The following ATG16L2 variants were observed in gnomAD, a reference collection of about 807,000 sequenced individuals.
ATG16L2 encodes protein Atg16l2.
In ATG16L2, 77 loss-of-function variants were observed where a neutral mutation model predicts 84.7. The observed-to-expected ratio is 0.91, with a 90% CI of 0.76 to 1.10. The LOEUF (loss-of-function observed/expected upper bound fraction) is 1.10. Ranked by LOEUF, ATG16L2 falls within the 50% of genes least tolerant of loss-of-function variation. ATG16L2 has a pLI of 0.00. For synonymous variants in ATG16L2, 361 were observed against 342.8 expected (o/e 1.05, Z -0.59); for missense variants, 782 against 817.6 (o/e 0.96, Z 0.53).
chr11:72,840,868 GA>G, intron 5 of ATG16L2: 1 of 1,583,456 alleles, frequency 6.3e-7, no homozygotes, highest in Non-Finnish European at 8.7e-7. Flanking sequence ...TGCAAGATCA[GA>G]GACTTACAGG....
chr11:72,825,979 G>C (rs538444678), intron 10 of ATG16L2, among the ~76,000 whole-genome samples, 194 bp from the exon 11 acceptor site: 43 of 152,206 alleles, frequency 2.8e-4, no homozygotes, highest in African/African-American at 9.4e-4. Flanking sequence ...GCTGTCCCTG[G>C]GACCCAGTGC....
chr11:72,838,582 G>T (rs1450723630), intron 5 of ATG16L2: 1 of 585,532 alleles, frequency 1.7e-6, no homozygotes, highest in Non-Finnish European at 3.0e-6. Context: ...TATGGTAGGA[G>T]AAATGACATA....
intron 5 of ATG16L2, chr11:72,838,730 A>T: frequency 7.0e-7 from 1 of 1,426,784 alleles, no homozygotes; most frequent in Non-Finnish European, 9.7e-7. Context: ...CTAAAAAACA[A>T]GACTGGCCAA....
chr11:72,814,588 G>A (rs1291748449), intron 1 of ATG16L2, 25 bp downstream of exon 1: 1 of 1,531,732 alleles, frequency 6.5e-7, no homozygotes, highest in Non-Finnish European at 8.9e-7. Context: ...GTGCTGAGAG[G>A]ATGGCGGCTG....
At chr11:72,842,015 G>A (rs756276829) in intron 5 of ATG16L2, among the ~76,000 whole-genome samples, 2 of 152,186 alleles carry the variant, frequency 1.3e-5, no homozygotes, top group African/African-American at 2.4e-5. Context: ...CAATCACCAC[G>A]CAAACAAGAT....
rs1860522107 is a variant in ATG16L2 at position 72,828,937 on chromosome 11, G to A, written c.1725G>A (p.Trp575Ter). The change falls in exon 17 of 18, where the codon TGG becomes TGA. Residue 575 changes from tryptophan (W) to a stop codon, truncating the protein, a stop_gained. Coordinates refer to ENST00000321297, the MANE Select transcript of ATG16L2 (RefSeq NM_033388.2). LOFTEE classifies it high-confidence loss of function. ...AGSCDGALYI[W>*]DVDTGKLESR... Reference sequence around the variant, plus strand: ...CCTGTGATGGGGCCCTTTACATCTGGGATGTGGACACCGGGAAACTGGAGA... The same window carrying A: ...CCTGTGATGGGGCCCTTTACATCTGAGATGTGGACACCGGGAAACTGGAGA... 4.3e-6 allele frequency: 7 copies of A among 1,614,124 alleles called. No homozygotes were observed. The East Asian group carries it at 1.6e-4, about 36-fold the overall frequency.
intron 3 of ATG16L2, 113 bp from the exon 4 acceptor site, chr11:72,821,555 T>G: frequency 6.7e-7 from 1 of 1,483,228 alleles, no homozygotes; most frequent in Non-Finnish European, 8.9e-7. Context: ...CAGCTTGCTT[T>G]TCAGGAAGGG....
chr11:72,841,340 C>CAAAAAAAAAA (rs59748827), intron 5 of ATG16L2: 22 of 373,854 alleles, frequency 5.9e-5, no homozygotes, highest in East Asian at 2.8e-4. Flanking sequence ...ACTCTGTCTC[C>CAAAAAAAAAA]AAAAAAAAAA....
At chr11:72,831,082 C>T (rs1860596119), downstream of ATG16L2, among the ~76,000 whole-genome samples, 2 of 152,250 alleles carry the variant, frequency 1.3e-5, no homozygotes, top group South Asian at 2.1e-4. Context: ...TCCCTGAGCT[C>T]CCCTTTTGTA....
Position 72,824,078 on chromosome 11 carries a change from C to T in ATG16L2, c.843C>T (p.Ser281=), listed in dbSNP as rs372293223. 1 of 1,614,216 alleles carries T rather than the reference C, an allele frequency of 6.2e-7. No homozygotes were observed. Among genetic ancestry groups the T allele is most frequent in the South Asian group, 1.1e-5 (1 of 91,088 alleles). Residue 281 remains serine, a synonymous_variant, in exon 8 of 18, where the codon TCC becomes TCT. Coordinates refer to ENST00000321297, the MANE Select transcript of ATG16L2 (RefSeq NM_033388.2). ...KRPFRSASAT[S]LTLSHCVDVV... is the part of the protein sequence containing the mutation. ...GTCTCAGGTCTGCCTCAGCCACCTCCCTGACGCTGTCCCACTGTGTGGATG... is the reference window on the plus strand; with the variant it reads ...GTCTCAGGTCTGCCTCAGCCACCTCTCTGACGCTGTCCCACTGTGTGGATG...
chr11:72,839,698 A>G (rs1860849418), intron 5 of ATG16L2, among the ~76,000 whole-genome samples: 1 of 152,178 alleles, frequency 6.6e-6, no homozygotes, highest in Non-Finnish European at 1.5e-5. Flanking sequence ...TCTGGAAGGG[A>G]ACATAACTCA....
intron 7 of ATG16L2, chr11:72,823,324 C>T (rs578204863): frequency 1.9e-5 from 6 of 317,794 alleles, no homozygotes; most frequent in East Asian, 8.5e-5. Flanking sequence ...CATGTGCATC[C>T]GCAGGGACAT....
At chr11:72,833,675 C>A (rs1281775481), downstream of ATG16L2, among the ~76,000 whole-genome samples, 1 of 152,054 alleles carries the variant, frequency 6.6e-6, no homozygotes, top group African/African-American at 2.4e-5. Flanking sequence ...AATCCCAGCA[C>A]TTTTGGAGGC....
rs373737720 is a variant in ATG16L2, at chr11:72,842,634, A to G, written c.*39A>G. The G allele has an allele frequency of 3.7e-6, 6 of 1,613,846 alleles. No homozygotes were observed. In the African/African-American group the frequency reaches 8.0e-5, roughly 22 times the overall value. ...CCTCTCAGGTACCTGAATCTCTCTC[A>G]TCCATGGAGTGTCACCATTTTCTGA... On this transcript the variant is annotated 3_prime_UTR_variant, in exon 6 of 6. Transcript: ENST00000534905.
chr11:72,838,786 C>T, intron 5 of ATG16L2: 2 of 1,595,380 alleles, frequency 1.3e-6, no homozygotes, highest in Non-Finnish European at 1.7e-6. Context: ...TGGGCAAGCC[C>T]ATCATCACAC....
chr11:72,836,854 T>G (rs1381172794), intron 5 of ATG16L2: 3 of 152,648 alleles, frequency 2.0e-5, no homozygotes, highest in Non-Finnish European at 4.4e-5. Flanking sequence ...AGCCCTGACC[T>G]GTGCACTGTG....
chr11:72,826,784 G>A lies in ATG16L2; in HGVS notation c.1327G>A (p.Asp443Asn), dbSNP rs769922001. The change falls in exon 13 of 18, where the codon GAC becomes AAC. Residue 443 changes from aspartate to asparagine, a missense_variant. Asp to Asn is a conservative substitution (Grantham distance 23). Coordinates refer to ENST00000321297, the MANE Select transcript of ATG16L2 (RefSeq NM_033388.2). ...TRHQAVTGSR[D>N]RTVKEWDLGR... ...GCACCAGGCAGTGACTGGGAGCCGC[G>A]ACCGGACAGTGAAGGAGTGGGACCT... 1.4e-5 allele frequency: 22 copies of A among 1,613,896 alleles called. No individual in the cohort carries two copies. Among genetic ancestry groups the A allele is most frequent in the Non-Finnish European group, 1.6e-5 (19 of 1,180,006 alleles).
At chr11:72,826,305 TGGG>T (rs911529064) in intron 11 of ATG16L2, 62 bp downstream of exon 11, 5 of 1,558,668 alleles carry the variant, frequency 3.2e-6, no homozygotes, top group Admixed American at 1.8e-5. Context: ...ACTGGGCAGG[TGGG>T]GGCTGTGGGA....
At chr11:72,815,486 G>A (rs1859651764) in intron 1 of ATG16L2, among the ~76,000 whole-genome samples, 1 of 152,142 alleles carries the variant, frequency 6.6e-6, no homozygotes, top group Admixed American at 6.6e-5. Context: ...GTTTGAGGGA[G>A]GGGGTCACCG....
Sources: gnomAD v4.1 joint callset for allele counts (sites outside exome capture counted in the v4.1 genomes callset) on GRCh38, gnomAD v4.1.1 for gene constraint, MANE v1.5 for transcripts, NCBI Gene and HGNC (gene_info 2026-07-23, HGNC 2026-07-21) for gene names.